KCND2: variants seen among roughly 807,000 people sequenced by gnomAD.
The protein encoded by KCND2 is A-type voltage-gated potassium channel KCND2.
KCND2 carries 16 observed loss-of-function variants against 54.4 expected under a neutral mutation model. The observed-to-expected ratio is 0.29, with a 90% CI of 0.20 to 0.45. The LOEUF is 0.45. Among genes scored for constraint, KCND2 ranks in the 20% least tolerant of loss-of-function variants. The probability of loss-of-function intolerance (pLI) is 1.00; values close to 1 mark genes in which losing one functional copy is unlikely to be tolerated. For synonymous variants in KCND2, 317 were observed against 310.7 expected (o/e 1.02, Z -0.21); for missense variants, 486 against 824.2 (o/e 0.59, Z 5.02).
In KCND2 at chr7:120,498,349, A is replaced by G. The variant is rs141952596; in HGVS notation, c.1115+222602A>G. 1.4e-4 allele frequency among the ~76,000 whole-genome samples: 22 copies of G among 152,172 alleles called. No individual in the cohort carries two copies. In the East Asian group the frequency reaches 4.1e-3, roughly 28 times the overall value. On this transcript the variant is annotated intron_variant, in intron 1 of 5. Transcript: ENST00000331113. ...ATGAAAATTAGCTAGGTGTGGTGGC[A>G]TGCACCTGTTTTCCCAGCTACTCAG...
intron 1 of KCND2, among the ~76,000 whole-genome samples, chr7:120,389,131 GA>G (rs886596359): frequency 2.1e-4 from 31 of 151,100 alleles, no homozygotes; most frequent in African/African-American, 7.0e-4. Context: ...CCAAATAGGG[GA>G]AAAAAAAGAT....
At chr7:120,320,621 G>T (rs959552326) in intron 1 of KCND2, among the ~76,000 whole-genome samples, 3 of 152,096 alleles carry the variant, frequency 2.0e-5, no homozygotes, top group African/African-American at 7.2e-5. Context: ...ATTGAAGCAG[G>T]GTTGACATTG....
intron 1 of KCND2, among the ~76,000 whole-genome samples, chr7:120,288,595 T>C (rs2116270707): frequency 6.6e-6 from 1 of 152,282 alleles, no homozygotes; most frequent in East Asian, 1.9e-4. Flanking sequence ...TCTTGATAGA[T>C]ATATGAAATA....
At chr7:120,603,832 G>A (rs1481541964) in intron 1 of KCND2, among the ~76,000 whole-genome samples, 4 of 152,166 alleles carry the variant, frequency 2.6e-5, no homozygotes, top group Non-Finnish European at 5.9e-5. Flanking sequence ...TTTGCACAAT[G>A]TAATAAGAAA....
intron 1 of KCND2, among the ~76,000 whole-genome samples, chr7:120,290,770 T>C (rs994341764): frequency 2.0e-5 from 3 of 152,028 alleles, no homozygotes; most frequent in African/African-American, 7.2e-5. Context: ...ATGCCAACTT[T>C]ATTAAAATTT....
intron 1 of KCND2, among the ~76,000 whole-genome samples, chr7:120,611,443 G>C (rs964267110): frequency 2.6e-5 from 4 of 152,120 alleles, no homozygotes; most frequent in Non-Finnish European, 5.9e-5. Flanking sequence ...ATTTGCAGGG[G>C]GTGTAGGTTA....
At chr7:120,279,561 G>T (rs1006813566) in intron 1 of KCND2, among the ~76,000 whole-genome samples, 5 of 151,862 alleles carry the variant, frequency 3.3e-5, no homozygotes, top group Admixed American at 3.3e-4. Flanking sequence ...GAACAAATTT[G>T]GGAAAGTAAA....
At position 120,701,037 on chromosome 7, in the gene KCND2, A is replaced by G. The variant is rs188812786; in HGVS notation, c.1116-31866A>G. Among the ~76,000 whole-genome samples the G allele has an allele frequency of 2.7e-3, 407 of 152,222 alleles. 3 individuals carry two copies. The highest frequency in any genetic ancestry group is 8.9e-3 in the African/African-American group (371 of 41,532). ...CACTGGTACTCGTGGGTGAAGTAGG[A>G]TGCGGGAGTTCCAGCTTTTACATTT... On this transcript the variant is annotated intron_variant, in intron 1 of 5. Transcript: ENST00000331113.
Position 120,605,575 on chromosome 7 carries a change from A to G in KCND2, c.1116-127328A>G, listed in dbSNP as rs560183120. Among the ~76,000 whole-genome samples the G allele has an allele frequency of 2.2e-4, 33 of 152,266 alleles. No individual in the cohort carries two copies. The South Asian group carries it at 6.2e-3, about 29-fold the overall frequency. On this transcript the variant is annotated intron_variant, in intron 1 of 5. Coordinates refer to ENST00000331113, the MANE Select transcript of KCND2 (RefSeq NM_012281.3). ...ATATACATTTTCAATTCTCTTCAGT[A>G]TATTATCTAGGAGTGGAACTGATGG...
chr7:120,328,118 A>G (rs1011437608), intron 1 of KCND2, among the ~76,000 whole-genome samples: 2 of 152,110 alleles, frequency 1.3e-5, no homozygotes, highest in Non-Finnish European at 2.9e-5. Context: ...ATGTCATGGC[A>G]TTCCCAACTG....
chr7:120,313,617 GC>G (rs1204990409), intron 1 of KCND2, among the ~76,000 whole-genome samples: 1 of 152,130 alleles, frequency 6.6e-6, no homozygotes, highest in Non-Finnish European at 1.5e-5. Context: ...AGCAGCTGGG[GC>G]TGTGTTGAGT....
At chr7:120,401,658 C>A (rs886235713) in intron 1 of KCND2, among the ~76,000 whole-genome samples, 6 of 152,124 alleles carry the variant, frequency 3.9e-5, no homozygotes, top group Non-Finnish European at 8.8e-5. Flanking sequence ...CTCTTCCCCC[C>A]ATCTTTAGCC....
At chr7:120,470,787 C>CTA (rs1165335065) in intron 1 of KCND2, among the ~76,000 whole-genome samples, 1 of 151,622 alleles carries the variant, frequency 6.6e-6, no homozygotes, top group Non-Finnish European at 1.5e-5. Context: ...AATCAACTTG[C>CTA]TATAATATTA....
At chr7:120,516,582 TACTC>T (rs1364651420) in intron 1 of KCND2, among the ~76,000 whole-genome samples, 1 of 152,118 alleles carries the variant, frequency 6.6e-6, no homozygotes, top group African/African-American at 2.4e-5. Flanking sequence ...ATCTTTATGT[TACTC>T]ACATCCAGAA....
chr7:120,328,768 G>T (rs771450089), intron 1 of KCND2, among the ~76,000 whole-genome samples: 1 of 151,966 alleles, frequency 6.6e-6, no homozygotes, highest in Non-Finnish European at 1.5e-5. Context: ...TATAAGAAAC[G>T]TAGATTTTAA....
intron 1 of KCND2, among the ~76,000 whole-genome samples, chr7:120,673,831 G>T (rs753082075): frequency 5.9e-5 from 9 of 151,916 alleles, no homozygotes; most frequent in Non-Finnish European, 1.0e-4. Context: ...CCTGAATCAC[G>T]TGGAGTTTTT....
intron 1 of KCND2, among the ~76,000 whole-genome samples, chr7:120,417,128 T>C (rs1043172340): frequency 5.3e-5 from 8 of 152,228 alleles, no homozygotes; most frequent in African/African-American, 1.7e-4. Context: ...ATTACAGGTG[T>C]GAGCTACTGC....
At chr7:120,553,493 C>G (rs1253962339) in intron 1 of KCND2, among the ~76,000 whole-genome samples, 1 of 152,030 alleles carries the variant, frequency 6.6e-6, no homozygotes. Context: ...TTTAAAGCAC[C>G]ACTTTGTTTT....
At chr7:120,726,127 G>A (rs1406743637) in intron 1 of KCND2, among the ~76,000 whole-genome samples, 1 of 151,414 alleles carries the variant, frequency 6.6e-6, no homozygotes, top group South Asian at 2.1e-4. Flanking sequence ...TACATTAGCT[G>A]ATCCAAAAAA....
Sources: gnomAD v4.1 joint callset for allele counts (sites outside exome capture counted in the v4.1 genomes callset) on GRCh38, gnomAD v4.1.1 for gene constraint, MANE v1.5 for transcripts, NCBI Gene and HGNC (gene_info 2026-07-23, HGNC 2026-07-21) for gene names.